TYW1: variants seen among roughly 807,000 people sequenced by gnomAD.
TYW1 encodes the protein S-adenosyl-L-methionine-dependent tRNA 4-demethylwyosine synthase TYW1.
TYW1 carries 46 observed loss-of-function variants against 96.2 expected under a neutral mutation model. The observed-to-expected ratio is 0.48, with a 90% confidence interval of 0.38 to 0.61. The LOEUF is 0.61. Ranked by LOEUF, TYW1 falls within the 20% of genes least tolerant of loss-of-function variation. The probability of loss-of-function intolerance (pLI) is 0.00; values close to 1 mark genes in which losing one functional copy is unlikely to be tolerated. For missense variants in TYW1, 684 were observed against 909.6 expected, an observed-to-expected ratio of 0.75 and a Z score of 3.19; for synonymous variants, 274 against 323.0, an observed-to-expected ratio of 0.85 and a Z score of 1.63.
At chr7:67,168,249 AT>A (rs1260102447) in intron 13 of TYW1, among the ~76,000 whole-genome samples, 1 of 152,120 alleles carries the variant, frequency 6.6e-6, no homozygotes, top group Non-Finnish European at 1.5e-5. Flanking sequence ...AATTCTATTC[AT>A]GCAATAAACT....
intron 13 of TYW1, among the ~76,000 whole-genome samples, chr7:67,125,130 G>A (rs989543658): frequency 5.2e-4 from 79 of 152,172 alleles, no homozygotes; most frequent in African/African-American, 1.8e-3. Context: ...ACTGCGCCTG[G>A]CCTGTCTTTG....
intron 15 of TYW1, among the ~76,000 whole-genome samples, chr7:67,237,612 GA>G (rs11314675): frequency 0.27 from 40,221 of 151,084 alleles, 5,676 homozygotes; most frequent in African/African-American, 0.36. Flanking sequence ...CAATAGCTTT[GA>G]ATTAAAAGCC....
Position 67,013,466 on chromosome 7 carries a change from A to C in TYW1, c.376-901A>C, listed in dbSNP as rs139659078. Among the ~76,000 whole-genome samples the C allele has an allele frequency of 8.3e-4, 127 of 152,192 alleles. 2 individuals carry two copies. Among genetic ancestry groups the C allele is most frequent in the East Asian group, 3.1e-3 (16 of 5,176 alleles). ...ATGGATATTCACAGCTTCCTGCCTG[A>C]GGAGATGGTAATGGACCTAGAACAT... is the stretch of plus-strand genomic sequence containing the variant. On this transcript the variant is annotated intron_variant, in intron 4 of 15. Coordinates refer to ENST00000359626, the MANE Select transcript of TYW1 (RefSeq NM_018264.4).
intron 8 of TYW1, among the ~76,000 whole-genome samples, chr7:67,051,593 T>G (rs544402185): frequency 1.1e-3 from 170 of 152,202 alleles, no homozygotes; most frequent in Non-Finnish European, 2.0e-3. Flanking sequence ...TTTATATACT[T>G]AGAATCTTAG....
intron 7 of TYW1, among the ~76,000 whole-genome samples, chr7:67,049,063 G>T (rs1795279448): frequency 6.6e-6 from 1 of 152,198 alleles, no homozygotes; most frequent in African/African-American, 2.4e-5. Flanking sequence ...GTTGGTGGTA[G>T]TGGGATAACT....
At chr7:67,215,698 C>T (rs1334019305) in intron 15 of TYW1, among the ~76,000 whole-genome samples, 1 of 151,924 alleles carries the variant, frequency 6.6e-6, no homozygotes, top group African/African-American at 2.4e-5. Context: ...TACACGATCA[C>T]AAGGTCCCAC....
intron 12 of TYW1, among the ~76,000 whole-genome samples, chr7:67,113,524 CTG>C (rs1797493114): frequency 6.6e-6 from 1 of 152,192 alleles, no homozygotes; most frequent in South Asian, 2.1e-4. Flanking sequence ...CTGAGCCACA[CTG>C]TGGATTTTGC....
chr7:67,055,862 G>C lies in TYW1; in HGVS notation c.1130G>C (p.Gly377Ala), dbSNP rs140880867. The C allele has an allele frequency of 1.9e-5, 31 of 1,612,754 alleles. No homozygotes were observed. The African/African-American group carries it at 4.0e-4, about 21-fold the overall frequency. The change falls in exon 9 of 16, where the codon GGG becomes GCG. Residue 377 changes from glycine to alanine, a missense_variant. By Grantham distance (60) the Gly-to-Ala change is moderately conservative. Coordinates refer to ENST00000359626, the MANE Select transcript of TYW1 (RefSeq NM_018264.4). ...TATCAGTTGATTGGGAGCCACTCGG[G>C]GGTGAAGCTTTGCAGGTGGACAAAG... is the stretch of plus-strand genomic sequence containing the variant. ...QGYQLIGSHS[G>A]VKLCRWTKSM...
intron 12 of TYW1, among the ~76,000 whole-genome samples, chr7:67,105,765 C>T (rs569202164): frequency 2.5e-4 from 38 of 151,748 alleles, no homozygotes; most frequent in African/African-American, 8.9e-4. Flanking sequence ...TGAGAGGCCA[C>T]ATAGTCCCAG....
intron 13 of TYW1, among the ~76,000 whole-genome samples, chr7:67,160,411 C>A (rs1277525038): frequency 6.6e-6 from 1 of 151,418 alleles, no homozygotes; most frequent in African/African-American, 2.4e-5. Flanking sequence ...AATTTCTATT[C>A]TTTTTGAAGT....
chr7:67,187,790 T>C (rs1248969741), intron 14 of TYW1, among the ~76,000 whole-genome samples: 1 of 152,250 alleles, frequency 6.6e-6, no homozygotes, highest in Admixed American at 6.5e-5. Context: ...AACAGTGACC[T>C]ATTTGGGAGA....
intron 13 of TYW1, among the ~76,000 whole-genome samples, chr7:67,178,687 A>G (rs557121696): frequency 6.6e-6 from 1 of 152,206 alleles, no homozygotes; most frequent in South Asian, 2.1e-4. Flanking sequence ...ACACAAAATA[A>G]TGTATGATTC....
At chr7:67,044,321 C>G (rs1795121593) in intron 7 of TYW1, among the ~76,000 whole-genome samples, 1 of 152,080 alleles carries the variant, frequency 6.6e-6, no homozygotes, top group Non-Finnish European at 1.5e-5. Flanking sequence ...TGTTCTAGAA[C>G]TCCTGACCTC....
At chr7:67,164,889 G>A (rs2844163) in intron 13 of TYW1, among the ~76,000 whole-genome samples, 50,922 of 150,840 alleles carry the variant, frequency 0.34, 9,222 homozygotes, top group African/African-American at 0.47. Context: ...GTAGTGTCTC[G>A]TTATTATAAA....
chr7:67,117,106 T>C (rs1252914407), intron 12 of TYW1, among the ~76,000 whole-genome samples: 1 of 152,296 alleles, frequency 6.6e-6, no homozygotes, highest in East Asian at 1.9e-4. Context: ...CCCATGTGGT[T>C]GGCAGAGTGT....
At chr7:67,044,660 C>T (rs1407918961) in intron 7 of TYW1, among the ~76,000 whole-genome samples, 1 of 152,042 alleles carries the variant, frequency 6.6e-6, no homozygotes, top group South Asian at 2.1e-4. Context: ...GAGTCTGTTG[C>T]CCAGGCTGGA....
intron 15 of TYW1, among the ~76,000 whole-genome samples, chr7:67,202,528 C>G (rs542447827): frequency 3.3e-5 from 5 of 152,086 alleles, no homozygotes; most frequent in Non-Finnish European, 7.3e-5. Flanking sequence ...TCTCGAGTAG[C>G]TGGGACTATA....
chr7:67,102,939 A>G (rs911183524), intron 12 of TYW1, among the ~76,000 whole-genome samples: 5 of 152,182 alleles, frequency 3.3e-5, no homozygotes, highest in Admixed American at 1.3e-4. Flanking sequence ...GTGAGCCATC[A>G]CGCCCGGTCA....
At chr7:67,111,746 A>G (rs1797413660) in intron 12 of TYW1, among the ~76,000 whole-genome samples, 1 of 152,222 alleles carries the variant, frequency 6.6e-6, no homozygotes, top group Non-Finnish European at 1.5e-5. Context: ...CACACTTGTT[A>G]AATAACCAGA....
Sources: allele counts gnomAD v4.1 joint callset (sites outside exome capture counted in the v4.1 genomes callset), GRCh38; gene constraint gnomAD v4.1.1; transcripts MANE v1.5; gene names NCBI Gene and HGNC (gene_info 2026-07-23, HGNC 2026-07-21).